NRXN3: variants seen among roughly 807,000 people sequenced by gnomAD.
NRXN3 encodes the protein neurexin 3, also known as neurexin III.
A neutral mutation model predicts 137.6 loss-of-function variants in NRXN3; 32 were observed. The ratio of observed to expected loss-of-function variants is 0.23; its 90% CI spans 0.18 to 0.31. NRXN3 has a LOEUF of 0.31. Among genes scored for constraint, NRXN3 ranks in the 10% least tolerant of loss-of-function variants. The pLI, the probability that NRXN3 is intolerant of heterozygous loss-of-function variation, is 1.00. For missense variants in NRXN3, 1,574 were observed against 2,062.5 expected (o/e 0.76, Z 4.59); for synonymous variants, 798 against 784.5 (o/e 1.02, Z -0.29).
intron 16 of NRXN3, among the ~76,000 whole-genome samples, chr14:79,627,384 T>TA (rs2098294094): frequency 1.3e-5 from 2 of 152,190 alleles, no homozygotes; most frequent in Non-Finnish European, 2.9e-5. Flanking sequence ...CTTCTGCTTA[T>TA]CCTTTCTTCC....
At chr14:79,736,142 G>A (rs1568056280) in intron 19 of NRXN3, among the ~76,000 whole-genome samples, 1 of 152,030 alleles carries the variant, frequency 6.6e-6, no homozygotes, top group Non-Finnish European at 1.5e-5. Context: ...CCATTGATCT[G>A]AGACCCTCAT....
At chr14:78,605,670 G>C (rs566612916) in intron 4 of NRXN3, among the ~76,000 whole-genome samples, 13 of 152,062 alleles carry the variant, frequency 8.5e-5, no homozygotes, top group Non-Finnish European at 1.6e-4. Flanking sequence ...ACAAACAGAA[G>C]CCAGAAGTGC....
chr14:78,451,674 G>A (rs983698397), intron 4 of NRXN3, among the ~76,000 whole-genome samples: 1 of 152,216 alleles, frequency 6.6e-6, no homozygotes, highest in African/African-American at 2.4e-5. Context: ...GGGACTTAAT[G>A]CTGTCTGCTC....
intron 1 of NRXN3, among the ~76,000 whole-genome samples, chr14:78,176,764 G>A (rs2059311439): frequency 6.6e-6 from 1 of 152,024 alleles, no homozygotes; most frequent in African/African-American, 2.4e-5. Flanking sequence ...TGGGCTGTGG[G>A]CCCTTTTCCA....
intron 15 of NRXN3, among the ~76,000 whole-genome samples, chr14:79,052,425 C>T (rs946950608): frequency 5.9e-5 from 9 of 152,308 alleles, no homozygotes; most frequent in African/African-American, 1.7e-4. Flanking sequence ...ACTTGCGGAT[C>T]TCATTTACAG....
chr14:78,196,698 A>C (rs1021876242), intron 1 of NRXN3, among the ~76,000 whole-genome samples: 4 of 152,244 alleles, frequency 2.6e-5, no homozygotes, highest in African/African-American at 9.6e-5. Flanking sequence ...TGAAGCTCAC[A>C]TTTGGGGGAA....
intron 16 of NRXN3, among the ~76,000 whole-genome samples, chr14:79,556,691 G>T (rs1327154135): frequency 1.3e-5 from 2 of 152,134 alleles, no homozygotes; most frequent in Non-Finnish European, 2.9e-5. Flanking sequence ...AAGTAGCTGG[G>T]ACTACAGGCA....
chr14:78,784,107 A>G (rs1305864957), intron 8 of NRXN3, among the ~76,000 whole-genome samples: 1 of 151,718 alleles, frequency 6.6e-6, no homozygotes, highest in Non-Finnish European at 1.5e-5. Context: ...TTAATTAGAT[A>G]TTTTCGGTGT....
intron 1 of NRXN3, among the ~76,000 whole-genome samples, chr14:78,214,395 T>C (rs1362000634): frequency 6.6e-6 from 1 of 152,174 alleles, no homozygotes; most frequent in Non-Finnish European, 1.5e-5. Flanking sequence ...CATTGTGCCT[T>C]GGTGGCATTT....
chr14:78,689,657 G>A (rs571523417), intron 6 of NRXN3, among the ~76,000 whole-genome samples: 1 of 152,232 alleles, frequency 6.6e-6, no homozygotes, highest in East Asian at 1.9e-4. Context: ...AAATAGTATA[G>A]GAATATAGTA....
chr14:79,207,375 A>G (rs987657765), intron 15 of NRXN3, among the ~76,000 whole-genome samples: 2 of 152,200 alleles, frequency 1.3e-5, no homozygotes, highest in Non-Finnish European at 2.9e-5. Flanking sequence ...GAGAAAACCA[A>G]AAGTGCACAT....
At chr14:79,072,878 C>T (rs2099689784) in intron 15 of NRXN3, among the ~76,000 whole-genome samples, 1 of 124,152 alleles carries the variant, frequency 8.1e-6, no homozygotes, top group Non-Finnish European at 1.9e-5. Context: ...TTTTCTCTCT[C>T]TCTCTCTCTT....
At chr14:79,534,287 A>G (rs2097193397) in intron 16 of NRXN3, among the ~76,000 whole-genome samples, 1 of 152,158 alleles carries the variant, frequency 6.6e-6, no homozygotes, top group African/African-American at 2.4e-5. Context: ...GATATGGTAC[A>G]AAATATGGTG....
intron 20 of NRXN3, among the ~76,000 whole-genome samples, chr14:79,856,151 C>A (rs2141847887): frequency 6.6e-6 from 1 of 152,160 alleles, no homozygotes; most frequent in Non-Finnish European, 1.5e-5. Flanking sequence ...GGGAGAATGC[C>A]CTACCTAGAA....
At chr14:78,458,066 G>A (rs1020983557) in intron 4 of NRXN3, among the ~76,000 whole-genome samples, 10 of 152,152 alleles carry the variant, frequency 6.6e-5, no homozygotes, top group African/African-American at 2.2e-4. Flanking sequence ...TCTAGAATAT[G>A]AGCAAATCTT....
intron 15 of NRXN3, among the ~76,000 whole-genome samples, chr14:79,126,893 T>C (rs992499161): frequency 6.6e-6 from 1 of 152,328 alleles, no homozygotes; most frequent in South Asian, 2.1e-4. Flanking sequence ...GGTATCTCAT[T>C]GTGGTTTTGA....
At chr14:78,884,440 C>T (rs181669483) in intron 10 of NRXN3, among the ~76,000 whole-genome samples, 1 of 152,204 alleles carries the variant, frequency 6.6e-6, no homozygotes, top group East Asian at 1.9e-4. Context: ...GTAACCCTTC[C>T]AACTTCCTCC....
chr14:79,153,351 G>C (rs1285572577), intron 15 of NRXN3, among the ~76,000 whole-genome samples: 1 of 151,920 alleles, frequency 6.6e-6, no homozygotes, highest in Admixed American at 6.6e-5. Context: ...GATTATATAT[G>C]CATATGTGGA....
intron 16 of NRXN3, among the ~76,000 whole-genome samples, chr14:79,511,662 G>A (rs2096933628): frequency 6.6e-6 from 1 of 152,072 alleles, no homozygotes; most frequent in South Asian, 2.1e-4. Flanking sequence ...TCCCCATTTA[G>A]TTGTTAAACC....
Sources: allele counts gnomAD v4.1 joint callset (sites outside exome capture counted in the v4.1 genomes callset), GRCh38; gene constraint gnomAD v4.1.1; transcripts MANE v1.5; gene names NCBI Gene and HGNC (gene_info 2026-07-23, HGNC 2026-07-21).